Variants in IL1RAPL1 observed in about 807,000 individuals in gnomAD.
IL1RAPL1 encodes the protein interleukin-1 receptor accessory protein-like 1.
In IL1RAPL1, 3 loss-of-function variants were observed where a neutral mutation model predicts 48.4. That is an observed-to-expected ratio of 0.06 (90% CI 0.03 to 0.16). The LOEUF (loss-of-function observed/expected upper bound fraction) is 0.16, where lower values mean the gene tolerates loss of function less well. IL1RAPL1 is among the 10% of genes least tolerant of loss of function. The pLI is 1.00. For missense variants in IL1RAPL1, 349 were observed against 530.6 expected, an observed-to-expected ratio of 0.66 and a Z score of 3.36; for synonymous variants, 185 against 187.7, an observed-to-expected ratio of 0.99 and a Z score of 0.12.
chrX:28,612,990 A>T (rs1012152139), intron 1 of IL1RAPL1, among the ~76,000 whole-genome samples: 6 of 111,738 alleles, frequency 5.4e-5, no homozygotes, highest in African/African-American at 2.0e-4. Context: ...ATTTCTGCCT[A>T]TCAGTTTGGA....
At chrX:29,658,976 A>G (rs1216901271) in intron 5 of IL1RAPL1, among the ~76,000 whole-genome samples, 3 of 112,297 alleles carry the variant, frequency 2.7e-5, no homozygotes, top group Non-Finnish European at 5.6e-5. Flanking sequence ...AACTGCCCAA[A>G]GCAATTGACA....
intron 2 of IL1RAPL1, among the ~76,000 whole-genome samples, chrX:29,272,531 C>T (rs1932057392): frequency 9.0e-6 from 1 of 111,415 alleles, no homozygotes. Context: ...TACTGTTAGC[C>T]TCACGGGGTT....
chrX:29,509,455 A>G (rs1935370337), intron 5 of IL1RAPL1, among the ~76,000 whole-genome samples: 1 of 112,845 alleles, frequency 8.9e-6, no homozygotes, highest in Admixed American at 9.3e-5. Context: ...CATCACAGGT[A>G]TGAACTTTTA....
At chrX:29,334,731 A>G (rs1200163046) in intron 3 of IL1RAPL1, among the ~76,000 whole-genome samples, 1 of 112,968 alleles carries the variant, frequency 8.9e-6, no homozygotes, top group Non-Finnish European at 1.9e-5. Context: ...GGCCGGGCAG[A>G]GACGCTCCTC....
chrX:29,293,646 T>C (rs1932404270), intron 3 of IL1RAPL1, among the ~76,000 whole-genome samples: 1 of 111,516 alleles, frequency 9.0e-6, no homozygotes, highest in South Asian at 3.7e-4. Context: ...ATTTATCGTA[T>C]TTCACAAACA....
chrX:28,955,074 G>C (rs1924568051), intron 2 of IL1RAPL1, among the ~76,000 whole-genome samples: 1 of 111,732 alleles, frequency 8.9e-6, no homozygotes, highest in African/African-American at 3.2e-5. Flanking sequence ...AATCCTTGAT[G>C]GATTATTAGT....
intron 2 of IL1RAPL1, among the ~76,000 whole-genome samples, chrX:28,790,788 A>T (rs1339131121): frequency 8.9e-6 from 1 of 112,302 alleles, no homozygotes; most frequent in Non-Finnish European, 1.9e-5. Flanking sequence ...ATGGGAAATA[A>T]CATATATCTT....
intron 1 of IL1RAPL1, among the ~76,000 whole-genome samples, chrX:28,766,976 A>C (rs1015087627): frequency 1.8e-5 from 2 of 111,491 alleles, no homozygotes; most frequent in African/African-American, 6.5e-5. Context: ...AATCTTAGCT[A>C]TTGTGACCAG....
chrX:29,467,096 G>A (rs760256613), intron 5 of IL1RAPL1, among the ~76,000 whole-genome samples: 2 of 111,622 alleles, frequency 1.8e-5, no homozygotes, highest in African/African-American at 3.3e-5. Context: ...TGTGGTCCCA[G>A]CTCAAACATT....
intron 6 of IL1RAPL1, among the ~76,000 whole-genome samples, chrX:29,811,299 C>T (rs1292948533): frequency 9.0e-6 from 1 of 110,530 alleles, no homozygotes; most frequent in Non-Finnish European, 1.9e-5. Flanking sequence ...CTCACACAAT[C>T]ACAGGGTCCC....
chrX:29,320,645 C>T (rs972295732), intron 3 of IL1RAPL1, among the ~76,000 whole-genome samples: 4 of 109,090 alleles, frequency 3.7e-5, no homozygotes, highest in African/African-American at 1.0e-4. Context: ...GGCGTGGTGG[C>T]GTGTGCCTCA....
Position 29,589,949 on chromosome X carries a change from C to T in IL1RAPL1, c.704-78481C>T, listed in dbSNP as rs913407911. Among the ~76,000 whole-genome samples the T allele has an allele frequency of 2.7e-5, 3 of 111,075 alleles. No individual in the cohort carries two copies. The East Asian group carries it at 8.6e-4, about 32-fold the overall frequency. The stretch of plus-strand genomic sequence containing the variant: ...GCAGAAGGTGAAGGGGGAGCGGACA[C>T]GTCACATGGCTTATGATTAACGTAT... On this transcript the variant is annotated intron_variant, in intron 5 of 10. Coordinates refer to ENST00000378993, the MANE Select transcript of IL1RAPL1 (RefSeq NM_014271.4).
At position 28,624,486 on chromosome X, in the gene IL1RAPL1, G is replaced by T. The variant is rs147508389; in HGVS notation, c.-25+36439G>T. ...ACCGACTAGACACACGTACACATGC[G>T]TATGCACCCCACAGATCAAACTTAT... On this transcript the variant is annotated intron_variant, in intron 1 of 10. Coordinates refer to ENST00000378993, the MANE Select transcript of IL1RAPL1 (RefSeq NM_014271.4). Among the ~76,000 whole-genome samples, 75 of 111,711 alleles carry T rather than the reference G, an allele frequency of 6.7e-4. 2 individuals carry two copies. In the East Asian group the frequency reaches 0.017, roughly 25 times the overall value.
At chrX:29,032,740 C>T (rs1229491714) in intron 2 of IL1RAPL1, among the ~76,000 whole-genome samples, 1 of 78,256 alleles carries the variant, frequency 1.3e-5, no homozygotes, top group African/African-American at 5.4e-5. Flanking sequence ...CTCACGTGGG[C>T]ATGCACACAC....
chrX:29,934,811 T>C (rs1933004386), intron 8 of IL1RAPL1, among the ~76,000 whole-genome samples: 1 of 112,063 alleles, frequency 8.9e-6, no homozygotes, highest in Non-Finnish European at 1.9e-5. Context: ...CCAGGATACA[T>C]TTATCAAATT....
At chrX:29,589,645 C>T (rs1373935995) in intron 5 of IL1RAPL1, among the ~76,000 whole-genome samples, 4 of 110,965 alleles carry the variant, frequency 3.6e-5, no homozygotes, top group East Asian at 2.8e-4. Flanking sequence ...TTAATCTCTT[C>T]GACTCAATTT....
At chrX:28,619,266 G>A (rs1235589514) in intron 1 of IL1RAPL1, among the ~76,000 whole-genome samples, 1 of 110,822 alleles carries the variant, frequency 9.0e-6, no homozygotes, top group Admixed American at 9.7e-5. Context: ...AAAGAGGTTA[G>A]AATAGGAGAT....
At chrX:29,761,222 TCA>T (rs2068840690) in intron 6 of IL1RAPL1, among the ~76,000 whole-genome samples, 1 of 111,928 alleles carries the variant, frequency 8.9e-6, no homozygotes, top group African/African-American at 3.2e-5. Flanking sequence ...TTAAATACCT[TCA>T]CACACTGTGC....
chrX:29,445,239 G>C (rs1420291694), intron 5 of IL1RAPL1, among the ~76,000 whole-genome samples: 5 of 112,013 alleles, frequency 4.5e-5, no homozygotes, highest in Non-Finnish European at 9.4e-5. Context: ...CCATAAAACA[G>C]ATTTCTCTAT....
Sources: allele counts gnomAD v4.1 joint callset (sites outside exome capture counted in the v4.1 genomes callset), GRCh38; gene constraint gnomAD v4.1.1; transcripts MANE v1.5; gene names NCBI Gene and HGNC (gene_info 2026-07-23, HGNC 2026-07-21).